SNX29: variants seen among roughly 807,000 people sequenced by gnomAD.
SNX29 encodes the protein sorting nexin 29.
A neutral mutation model predicts 102.1 loss-of-function variants in SNX29; 78 were observed. That is an observed-to-expected ratio of 0.76 (90% CI 0.64 to 0.92). The LOEUF (loss-of-function observed/expected upper bound fraction) is 0.92. Among genes scored for constraint, SNX29 ranks in the 40% least tolerant of loss-of-function variants. The probability of loss-of-function intolerance (pLI) is 0.00; values close to 1 mark genes in which losing one functional copy is unlikely to be tolerated. For synonymous variants in SNX29, 580 were observed against 414.5 expected (o/e 1.40, Z -4.85); for missense variants, 1,280 against 1,061.7 (o/e 1.21, Z -2.86).
At chr16:12,479,696 A>G (rs2087818355) in intron 19 of SNX29, among the ~76,000 whole-genome samples, 1 of 152,252 alleles carries the variant, frequency 6.6e-6, no homozygotes, top group Non-Finnish European at 1.5e-5. Context: ...GGAGTTATTC[A>G]GAATGTCCTA....
intron 11 of SNX29, among the ~76,000 whole-genome samples, chr16:12,108,020 T>C (rs776230158): frequency 2.5e-4 from 38 of 151,598 alleles, no homozygotes; most frequent in Non-Finnish European, 4.7e-4. Flanking sequence ...GCTAGAAAAA[T>C]AAGGAGGGGA....
chr16:12,439,306 C>G (rs940810918), intron 18 of SNX29, among the ~76,000 whole-genome samples: 1 of 152,214 alleles, frequency 6.6e-6, no homozygotes, highest in Non-Finnish European at 1.5e-5. Flanking sequence ...CTGGAAGTCA[C>G]CAGAGAGGCC....
chr16:12,032,948 A>C (rs1425973540), intron 4 of SNX29, among the ~76,000 whole-genome samples: 1 of 151,872 alleles, frequency 6.6e-6, no homozygotes, highest in Non-Finnish European at 1.5e-5. Context: ...TCCACCCCCC[A>C]GGTTCAAGTG....
At chr16:12,143,485 T>A (rs975255061) in intron 13 of SNX29, among the ~76,000 whole-genome samples, 1 of 152,136 alleles carries the variant, frequency 6.6e-6, no homozygotes, top group Non-Finnish European at 1.5e-5. Context: ...GTCCTTAGTG[T>A]CATGCAAGGG....
intron 4 of SNX29, among the ~76,000 whole-genome samples, chr16:12,032,299 C>T (rs578225036): frequency 6.6e-6 from 1 of 151,824 alleles, no homozygotes; most frequent in South Asian, 2.1e-4. Context: ...CCTCCGCCTC[C>T]TGGGTTCAAG....
intron 13 of SNX29, among the ~76,000 whole-genome samples, chr16:12,175,833 C>T (rs1412865943): frequency 6.6e-6 from 1 of 151,774 alleles, no homozygotes; most frequent in Admixed American, 6.6e-5. Flanking sequence ...ATAGGAAGAC[C>T]ATGTTTCTAC....
intron 4 of SNX29, among the ~76,000 whole-genome samples, chr16:12,035,328 C>T (rs372306389): frequency 3.8e-4 from 57 of 151,856 alleles, no homozygotes; most frequent in Middle Eastern, 6.8e-3. Context: ...CCTCCTACTT[C>T]GGCCTCTCAA....
intron 18 of SNX29, among the ~76,000 whole-genome samples, chr16:12,460,578 G>A (rs1435358669): frequency 6.6e-6 from 1 of 151,348 alleles, no homozygotes; most frequent in East Asian, 1.9e-4. Flanking sequence ...CTGGCCTCCT[G>A]TGCATCCCTA....
At chr16:12,277,858 T>G in intron 14 of SNX29, 75 bp from the exon 15 acceptor site, 2 of 1,333,852 alleles carry the variant, frequency 1.5e-6, no homozygotes, top group African/African-American at 1.5e-5. Flanking sequence ...GAAAGAAGAA[T>G]TTTTTCTTTT....
intron 14 of SNX29, among the ~76,000 whole-genome samples, chr16:12,277,398 C>G (rs2079285885): frequency 6.6e-6 from 1 of 151,820 alleles, no homozygotes; most frequent in Non-Finnish European, 1.5e-5. Flanking sequence ...AGAGGAGACC[C>G]CATCTCAAAA....
At chr16:12,396,913 CTTT>C (rs1248485860) in intron 16 of SNX29, among the ~76,000 whole-genome samples, 2 of 152,032 alleles carry the variant, frequency 1.3e-5, no homozygotes. Flanking sequence ...TCTTAACTTT[CTTT>C]ATTTTTTTGA....
chr16:12,445,449 G>T (rs1240590714), intron 18 of SNX29, among the ~76,000 whole-genome samples: 1 of 152,142 alleles, frequency 6.6e-6, no homozygotes, highest in Non-Finnish European at 1.5e-5. Flanking sequence ...AGGAGGCTGG[G>T]GCTCCCTGAG....
Position 12,098,313 on chromosome 16 carries a change from G to A in SNX29, c.1402+19398G>A, listed in dbSNP as rs1184949372. On this transcript the variant is annotated intron_variant, in intron 11 of 20. Transcript: ENST00000566228. This position sits in a 1 kb window ranked among gnomAD's most constrained non-coding sequence, Gnocchi z 6.0. ...GGAACAAAACTCAAAAGGTACGTAT[G>A]GGATACCGTAAAGGATTTCTCTTCC... is the stretch of plus-strand genomic sequence containing the variant. Among the ~76,000 whole-genome samples the A allele has an allele frequency of 6.6e-6, 1 of 152,160 alleles. No individual in the cohort carries two copies. Among genetic ancestry groups the A allele is most frequent in the Non-Finnish European group, 1.5e-5 (1 of 68,030 alleles).
At chr16:12,364,389 T>A (rs547853115) in intron 16 of SNX29, among the ~76,000 whole-genome samples, 14 of 151,000 alleles carry the variant, frequency 9.3e-5, no homozygotes, top group Non-Finnish European at 1.8e-4. Flanking sequence ...GAGTTTGGGA[T>A]TAAGGATTGA....
chr16:12,116,503 C>A (rs2053708029), intron 11 of SNX29, among the ~76,000 whole-genome samples: 2 of 152,112 alleles, frequency 1.3e-5, no homozygotes, highest in South Asian at 4.2e-4. Context: ...TGAACGTCAT[C>A]TCTACTTAAA....
At chr16:11,980,923 A>C (rs1192478756) in intron 1 of SNX29, among the ~76,000 whole-genome samples, 1 of 151,358 alleles carries the variant, frequency 6.6e-6, no homozygotes, top group East Asian at 1.9e-4. Flanking sequence ...TGTTTACAAA[A>C]ATTTTCTCCC....
chr16:12,561,203 A>T (rs1248153100), intron 20 of SNX29: 2 of 230,452 alleles, frequency 8.7e-6, no homozygotes, highest in Non-Finnish European at 1.7e-5. Context: ...GCCCATCAGG[A>T]CCCCCGCAGC....
intron 11 of SNX29, among the ~76,000 whole-genome samples, chr16:12,104,887 G>A (rs2053167242): frequency 6.6e-6 from 1 of 152,228 alleles, no homozygotes; most frequent in South Asian, 2.1e-4. Context: ...ACTGAAGAAA[G>A]CGAACTGGAA....
intron 20 of SNX29, among the ~76,000 whole-genome samples, chr16:12,547,230 A>G (rs140476380): frequency 3.7e-4 from 56 of 152,356 alleles, no homozygotes; most frequent in Non-Finnish European, 6.5e-4. Flanking sequence ...GCAGGGAGCC[A>G]GGCAGTGGAC....
Sources: allele counts gnomAD v4.1 joint callset (sites outside exome capture counted in the v4.1 genomes callset), GRCh38; gene constraint gnomAD v4.1.1; non-coding constraint Gnocchi (gnomAD v3.1); transcripts MANE v1.5; gene names NCBI Gene and HGNC (gene_info 2026-07-23, HGNC 2026-07-21).